The following DPT variants were observed in gnomAD, a reference collection of about 807,000 sequenced individuals.
DPT encodes the protein tyrosine-rich acidic matrix protein.
A neutral mutation model predicts 31.2 loss-of-function variants in DPT; 21 were observed. The ratio of observed to expected loss-of-function variants is 0.67; its 90% CI spans 0.48 to 0.97. The LOEUF is 0.97. DPT is among the 50% of genes least tolerant of loss of function. The pLI is 0.00. For missense variants in DPT, 262 were observed against 258.8 expected (o/e 1.01, Z -0.08); for synonymous variants, 91 against 86.9 (o/e 1.05, Z -0.26).
At chr1:168,713,061 A>G (rs991718076) in intron 2 of DPT, among the ~76,000 whole-genome samples, 1 of 152,036 alleles carries the variant, frequency 6.6e-6, no homozygotes, top group African/African-American at 2.4e-5. Flanking sequence ...CAGAGACTGA[A>G]ACTCAAGTTT....
At chr1:168,711,788 A>G (rs1649871307) in intron 2 of DPT, among the ~76,000 whole-genome samples, 1 of 152,184 alleles carries the variant, frequency 6.6e-6, no homozygotes, top group Non-Finnish European at 1.5e-5. Context: ...GTGATCATAG[A>G]CAGTGGCAAG....
chr1:168,711,517 G>T (rs556547688), intron 2 of DPT, among the ~76,000 whole-genome samples: 3 of 152,262 alleles, frequency 2.0e-5, no homozygotes, highest in Admixed American at 1.3e-4. Context: ...GAGGAATGTT[G>T]CTGCCTCAGC....
chr1:168,720,761 C>T (rs1396488178), intron 1 of DPT, among the ~76,000 whole-genome samples: 4 of 152,254 alleles, frequency 2.6e-5, no homozygotes, highest in East Asian at 1.9e-4. Context: ...ATTTCTTTCC[C>T]GCCCCAAAGG....
chr1:168,704,462 G>T (rs111549454), intron 2 of DPT, among the ~76,000 whole-genome samples: 6,439 of 152,282 alleles, frequency 0.042, 174 homozygotes, highest in Admixed American at 0.054. Flanking sequence ...CAGGAGAATG[G>T]CGTGAACCCG....
chr1:168,702,375 C>A (rs1475321101), intron 2 of DPT, among the ~76,000 whole-genome samples: 1 of 152,180 alleles, frequency 6.6e-6, no homozygotes, highest in Admixed American at 6.5e-5. Flanking sequence ...ATGGTTAGCT[C>A]ATTCTCTTGG....
intron 1 of DPT, among the ~76,000 whole-genome samples, chr1:168,726,393 C>G (rs924654169): frequency 6.6e-6 from 1 of 152,262 alleles, no homozygotes; most frequent in Non-Finnish European, 1.5e-5. Context: ...GCTTCTCTCT[C>G]TAGCAGGGAT....
At chr1:168,707,085 G>C (rs1649735169) in intron 2 of DPT, among the ~76,000 whole-genome samples, 4 of 152,196 alleles carry the variant, frequency 2.6e-5, no homozygotes, top group Admixed American at 2.6e-4. Flanking sequence ...AAGAGCATGG[G>C]ATTTGGAGGC....
intron 2 of DPT, among the ~76,000 whole-genome samples, chr1:168,709,855 C>T (rs1649812173): frequency 6.6e-6 from 1 of 152,162 alleles, no homozygotes; most frequent in Non-Finnish European, 1.5e-5. Context: ...AAAAAGAGTT[C>T]TCACTTCACT....
intron 1 of DPT, among the ~76,000 whole-genome samples, chr1:168,719,635 A>G (rs1229759229): frequency 6.6e-6 from 1 of 151,996 alleles, no homozygotes; most frequent in African/African-American, 2.4e-5. Context: ...CCCTTCATGG[A>G]TGTGAGTGAG....
chr1:168,704,311 A>G (rs1342648069), intron 2 of DPT, among the ~76,000 whole-genome samples: 1 of 152,252 alleles, frequency 6.6e-6, no homozygotes, highest in Non-Finnish European at 1.5e-5. Context: ...CAGGTCAGGA[A>G]GATGCCTTTA....
intron 3 of DPT, among the ~76,000 whole-genome samples, chr1:168,699,503 A>G (rs1649539443): frequency 6.6e-6 from 1 of 151,802 alleles, no homozygotes; most frequent in Non-Finnish European, 1.5e-5. Flanking sequence ...GTGCAAACTG[A>G]GTGGTTTGCC....
rs756663028 is a variant in DPT at position 168,714,277 on chromosome 1, A to G, written c.375T>C (p.Asp125=). 7.4e-6 allele frequency: 12 copies of G among 1,613,950 alleles called. No individual in the cohort carries two copies. The South Asian group carries it at 1.2e-4, about 16-fold the overall frequency. Residue 125 remains aspartate, a synonymous_variant, in exon 2 of 4, where the codon GAT becomes GAC. Transcript: ENST00000367817. ...FQSRYFESVL[D]REWQFYCCRY... is the part of the protein sequence containing the mutation. ...GACAACAGTAAAACTGCCACTCCCG[A>G]TCCAGCACTGACTCGAAGTAGCGGC...
At chr1:168,711,593 A>T (rs1417489650) in intron 2 of DPT, among the ~76,000 whole-genome samples, 1 of 152,200 alleles carries the variant, frequency 6.6e-6, no homozygotes, top group African/African-American at 2.4e-5. Context: ...AACTGGTCAC[A>T]TGTCTTGTTC....
rs1434521913 is a variant in DPT at position 168,695,896 on chromosome 1, G to C, written c.*653C>G. On this transcript the variant is annotated 3_prime_UTR_variant, in exon 4 of 4. Transcript: ENST00000367817. ...CCCCTGCACTCATTTTCCTTACTGG[G>C]TATGCTAACGTTTGTCTTCTAATTC... 1 of 318,658 alleles carries C rather than the reference G, an allele frequency of 3.1e-6. No individual in the cohort carries two copies. Among genetic ancestry groups the C allele is most frequent in the Non-Finnish European group, 5.7e-6 (1 of 174,922 alleles). 19.7% of individuals were successfully genotyped at this position (318,658 alleles called of 1,614,324 possible).
At chr1:168,720,936 T>G (rs1650095317) in intron 1 of DPT, among the ~76,000 whole-genome samples, 1 of 152,228 alleles carries the variant, frequency 6.6e-6, no homozygotes, top group Admixed American at 6.5e-5. Context: ...TGACAAATAT[T>G]CACTAGAACT....
At chr1:168,725,850 A>G (rs553583939) in intron 1 of DPT, among the ~76,000 whole-genome samples, 1 of 152,320 alleles carries the variant, frequency 6.6e-6, no homozygotes, top group East Asian at 1.9e-4. Context: ...AATAAACCTG[A>G]AAGCTAATTT....
At chr1:168,703,937 A>T (rs1392972329) in intron 2 of DPT, among the ~76,000 whole-genome samples, 2 of 152,236 alleles carry the variant, frequency 1.3e-5, no homozygotes, top group Non-Finnish European at 2.9e-5. Context: ...ACGCGCACAC[A>T]CACACACGCG....
chr1:168,724,194 C>A (rs1405416740), intron 1 of DPT, among the ~76,000 whole-genome samples: 1 of 152,230 alleles, frequency 6.6e-6, no homozygotes. Context: ...ATCCTCTGTG[C>A]ATGTTTTAGC....
In DPT at chr1:168,695,849, T is replaced by A. The variant is rs1649455353; in HGVS notation, c.*700A>T. 8.1e-6 allele frequency: 2 copies of A among 245,846 alleles called. No individual in the cohort carries two copies. The highest frequency in any genetic ancestry group is 1.6e-5 in the Non-Finnish European group (2 of 128,522). The allele number at this position is 245,846 out of a possible 1,614,324, so 15.2% of individuals were successfully genotyped here. A position where few individuals can be genotyped will look rare whatever the true frequency, so the allele number is the denominator to read the frequency against. On this transcript the variant is annotated 3_prime_UTR_variant, in exon 4 of 4. Coordinates refer to ENST00000367817, the MANE Select transcript of DPT (RefSeq NM_001937.5). ...CCTTGTTTTTAATCTCATTTGAGAG[T>A]GATCCTCACGGGTTCCCCTGGCCCC...
Sources: gnomAD v4.1 joint callset for allele counts (sites outside exome capture counted in the v4.1 genomes callset) on GRCh38, gnomAD v4.1.1 for gene constraint, MANE v1.5 for transcripts, NCBI Gene and HGNC (gene_info 2026-07-23, HGNC 2026-07-21) for gene names.